The following GRID2 variants were observed in gnomAD, a reference collection of about 807,000 sequenced individuals.
GRID2 encodes glutamate ionotropic receptor delta type subunit 2.
In GRID2, 33 loss-of-function variants were observed where a neutral mutation model predicts 114.8. That is an observed-to-expected ratio of 0.29 (90% CI 0.22 to 0.38). GRID2 has a LOEUF of 0.38. Among genes scored for constraint, GRID2 ranks in the 10% least tolerant of loss-of-function variants. The pLI is 1.00. For synonymous variants in GRID2, 505 were observed against 449.9 expected (o/e 1.12, Z -1.55); for missense variants, 1,184 against 1,257.7 (o/e 0.94, Z 0.89).
At chr4:92,837,363 A>C (rs532719252) in intron 2 of GRID2, among the ~76,000 whole-genome samples, 1 of 151,984 alleles carries the variant, frequency 6.6e-6, no homozygotes, top group Non-Finnish European at 1.5e-5. Context: ...CCCAAGAACA[A>C]GTCTCCGTGA....
At chr4:93,632,663 T>C (rs1328451834) in intron 14 of GRID2, among the ~76,000 whole-genome samples, 1 of 152,184 alleles carries the variant, frequency 6.6e-6, no homozygotes, top group Non-Finnish European at 1.5e-5. Flanking sequence ...TGCCTCCAGC[T>C]TTGTTCTTTT....
chr4:93,805,669 A>G (rs1247977355), intron 1 of GRID2, among the ~76,000 whole-genome samples: 3 of 152,218 alleles, frequency 2.0e-5, no homozygotes, highest in Non-Finnish European at 2.9e-5. Context: ...ATGCAGGCCT[A>G]AGTTAAGATT....
At chr4:93,152,813 T>G (rs1266430802) in intron 4 of GRID2, among the ~76,000 whole-genome samples, 2 of 152,110 alleles carry the variant, frequency 1.3e-5, no homozygotes, top group Non-Finnish European at 2.9e-5. Context: ...TGGCCAGGAA[T>G]TAAATGGTGC....
In GRID2 at chr4:92,478,426, A is replaced by T. The variant is rs565349111; in HGVS notation, c.89-111705A>T. Among the ~76,000 whole-genome samples the T allele has an allele frequency of 2.0e-5, 3 of 152,220 alleles. No individual in the cohort carries two copies. The South Asian group carries it at 6.2e-4, about 32-fold the overall frequency. ...ACTTGATGTGCTTAATAAATTAGTT[A>T]TGCATCTTAATGATAGAAGACAGCT... On this transcript the variant is annotated intron_variant, in intron 1 of 15. Coordinates refer to ENST00000282020, the MANE Select transcript of GRID2 (RefSeq NM_001510.4).
intron 2 of GRID2, among the ~76,000 whole-genome samples, chr4:92,835,914 C>T (rs775376950): frequency 6.6e-5 from 10 of 152,082 alleles, no homozygotes; most frequent in Non-Finnish European, 1.5e-4. Flanking sequence ...AGATCACAGG[C>T]TTAATTTGAT....
intron 2 of GRID2, among the ~76,000 whole-genome samples, chr4:92,974,417 G>A (rs559170138): frequency 9.2e-5 from 14 of 152,082 alleles, no homozygotes; most frequent in Non-Finnish European, 1.6e-4. Flanking sequence ...GTTCACAATA[G>A]CAAAGACTTG....
intron 2 of GRID2, among the ~76,000 whole-genome samples, chr4:92,673,550 G>C (rs1733178628): frequency 6.6e-6 from 1 of 152,108 alleles, no homozygotes; most frequent in Non-Finnish European, 1.5e-5. Flanking sequence ...TGTACTGCAT[G>C]TCCGCTAAGG....
At chr4:92,868,089 T>TG (rs1745027356) in intron 2 of GRID2, among the ~76,000 whole-genome samples, 2 of 149,748 alleles carry the variant, frequency 1.3e-5, no homozygotes, top group Non-Finnish European at 2.9e-5. Flanking sequence ...TCTGTCTGTC[T>TG]TTCTTTCTTT....
At chr4:93,157,233 G>T (rs139770951) in intron 4 of GRID2, among the ~76,000 whole-genome samples, 40 of 151,680 alleles carry the variant, frequency 2.6e-4, no homozygotes, top group African/African-American at 9.2e-4. Flanking sequence ...TTATTTGTGA[G>T]ACTCGAAACA....
At chr4:93,022,185 C>T (rs1723430503) in intron 2 of GRID2, among the ~76,000 whole-genome samples, 2 of 151,408 alleles carry the variant, frequency 1.3e-5, no homozygotes, top group African/African-American at 4.8e-5. Flanking sequence ...TGATTATGTC[C>T]TTTTTCATAC....
At chr4:93,208,219 G>C (rs920222960) in intron 5 of GRID2, among the ~76,000 whole-genome samples, 2 of 151,812 alleles carry the variant, frequency 1.3e-5, no homozygotes, top group African/African-American at 4.8e-5. Context: ...AGAATAATAA[G>C]ATTTCTTTTA....
intron 1 of GRID2, among the ~76,000 whole-genome samples, chr4:93,794,596 C>A (rs763506460): frequency 6.6e-6 from 1 of 152,156 alleles, no homozygotes. Context: ...CAAAGCGTCT[C>A]GGCGAGCCTT....
At chr4:93,430,794 T>G (rs746597802) in intron 10 of GRID2, among the ~76,000 whole-genome samples, 10 of 152,136 alleles carry the variant, frequency 6.6e-5, no homozygotes, top group Non-Finnish European at 1.3e-4. Context: ...TAAAGGTAAA[T>G]TTCCTGAAGG....
chr4:92,446,724 A>C (rs1221475724), intron 1 of GRID2, among the ~76,000 whole-genome samples: 2 of 152,192 alleles, frequency 1.3e-5, no homozygotes, highest in South Asian at 4.1e-4. Context: ...GAACTTACAT[A>C]GAGTTACTTC....
intron 8 of GRID2, among the ~76,000 whole-genome samples, chr4:93,304,056 T>C (rs1260497458): frequency 6.6e-6 from 1 of 151,632 alleles, no homozygotes; most frequent in Non-Finnish European, 1.5e-5. Context: ...GCAAATATTT[T>C]AAAAAGTACT....
intron 1 of GRID2, among the ~76,000 whole-genome samples, chr4:92,461,097 ACTTT>A (rs1364600169): frequency 1.1e-4 from 17 of 151,680 alleles, no homozygotes; most frequent in African/African-American, 3.4e-4. Flanking sequence ...TATTTATATA[ACTTT>A]CTTTCTTATA....
chr4:93,565,100 A>C (rs1735280103), intron 13 of GRID2, among the ~76,000 whole-genome samples: 1 of 152,108 alleles, frequency 6.6e-6, no homozygotes, highest in African/African-American at 2.4e-5. Context: ...CTTTATATAA[A>C]TATTTCCTTA....
intron 8 of GRID2, among the ~76,000 whole-genome samples, chr4:93,307,807 A>G (rs936502558): frequency 2.6e-5 from 4 of 152,172 alleles, no homozygotes; most frequent in Non-Finnish European, 5.9e-5. Context: ...AGTGTACACA[A>G]TAATCAGCAT....
At chr4:92,994,160 A>G (rs527998177) in intron 2 of GRID2, among the ~76,000 whole-genome samples, 2 of 152,324 alleles carry the variant, frequency 1.3e-5, no homozygotes, top group African/African-American at 4.8e-5. Flanking sequence ...GAATAGATGC[A>G]GAAATGGAGG....
Sources: gnomAD v4.1 joint callset for allele counts (sites outside exome capture counted in the v4.1 genomes callset) on GRCh38, gnomAD v4.1.1 for gene constraint, MANE v1.5 for transcripts, NCBI Gene and HGNC (gene_info 2026-07-23, HGNC 2026-07-21) for gene names.